The following PCDHA9 variants were observed in gnomAD, a reference collection of about 807,000 sequenced individuals.
PCDHA9 encodes the protein protocadherin alpha-9.
In PCDHA9, 62 loss-of-function variants were observed where a neutral mutation model predicts 62.0. That is an observed-to-expected ratio of 1.00 (90% confidence interval 0.81 to 1.23). PCDHA9 has a LOEUF of 1.23. Ranked by LOEUF, PCDHA9 falls within the 50% of genes most tolerant of loss-of-function variation. The pLI, the probability that PCDHA9 is intolerant of heterozygous loss-of-function variation, is 0.00. For synonymous variants in PCDHA9, 557 were observed against 567.6 expected, an observed-to-expected ratio of 0.98 and a Z score of 0.27; for missense variants, 1,205 against 1,249.8, an observed-to-expected ratio of 0.96 and a Z score of 0.54.
intron 1 of PCDHA9, chr5:140,928,625 A>T: frequency 6.2e-7 from 1 of 1,614,224 alleles, no homozygotes; most frequent in African/African-American, 1.3e-5. Flanking sequence ...AGGACTGGAC[A>T]CTTGGTCACA....
intron 1 of PCDHA9, among the ~76,000 whole-genome samples, chr5:140,949,796 C>G (rs1471707326): frequency 6.6e-6 from 1 of 151,864 alleles, no homozygotes; most frequent in Non-Finnish European, 1.5e-5. Context: ...TTGTGTCCTT[C>G]AATACATTAT....
intron 3 of PCDHA9, among the ~76,000 whole-genome samples, chr5:141,004,282 G>T (rs1444607316): frequency 3.3e-5 from 5 of 152,190 alleles, no homozygotes; most frequent in African/African-American, 1.2e-4. Context: ...ACATGCTGCT[G>T]AGCTCTCAGA....
chr5:140,928,158 AC>A, intron 1 of PCDHA9: 7 of 1,614,066 alleles, frequency 4.3e-6, no homozygotes, highest in Non-Finnish European at 5.9e-6. Flanking sequence ...ATAGTGGCTC[AC>A]CCCCACTTAG....
chr5:140,876,087 G>A, intron 1 of PCDHA9: 4 of 1,613,922 alleles, frequency 2.5e-6, no homozygotes, highest in Non-Finnish European at 2.5e-6. Context: ...GAGAGCAAAC[G>A]CCAAAACTCA....
intron 1 of PCDHA9, chr5:140,883,960 G>T (rs2059914384): frequency 3.1e-6 from 5 of 1,613,090 alleles, no homozygotes; most frequent in Non-Finnish European, 4.2e-6. Flanking sequence ...ACGCTCCGGC[G>T]CTGCTGACGC....
intron 1 of PCDHA9, among the ~76,000 whole-genome samples, chr5:140,931,879 T>A (rs1335268218): frequency 3.3e-5 from 5 of 151,966 alleles, no homozygotes; most frequent in Non-Finnish European, 7.4e-5. Flanking sequence ...TATTTATTGC[T>A]TTCATTTTAT....
intron 1 of PCDHA9, among the ~76,000 whole-genome samples, chr5:140,977,051 G>T (rs2096743579): frequency 6.6e-6 from 1 of 152,178 alleles, no homozygotes; most frequent in South Asian, 2.1e-4. Flanking sequence ...GTTGCTGATG[G>T]ACTAGTATAG....
chr5:140,849,883 T>C lies in PCDHA9; in HGVS notation c.1388T>C (p.Phe463Ser), dbSNP rs2150456208. The C allele has an allele frequency of 4.4e-6, 7 of 1,598,290 alleles. No homozygotes were observed. Among genetic ancestry groups the C allele is most frequent in the Non-Finnish European group, 6.0e-6 (7 of 1,167,932 alleles). ...TTCGCGCAGTCCGAGTACACGGTGTTCGTGAAGGAGAACAACCCGCCGGGC... is the reference window on the plus strand; with the variant it reads ...TTCGCGCAGTCCGAGTACACGGTGTCCGTGAAGGAGAACAACCCGCCGGGC... ...PAFAQSEYTV[F>S]VKENNPPGCH... Residue 463 changes from phenylalanine (F) to serine (S), a missense_variant, in exon 1 of 4, where the codon TTC (phenylalanine) becomes TCC (serine). Physicochemically the swap from Phe to Ser is radical, Grantham distance 155 (BLOSUM62 -2). Transcript: ENST00000532602.
At chr5:140,964,183 C>A (rs1422782402) in intron 1 of PCDHA9, among the ~76,000 whole-genome samples, 2 of 152,164 alleles carry the variant, frequency 1.3e-5, no homozygotes, top group Non-Finnish European at 2.9e-5. Context: ...CATTATAGTG[C>A]CAAATAGAGT....
intron 1 of PCDHA9, among the ~76,000 whole-genome samples, chr5:140,893,013 CCTGACTTATTTCA>C (rs2063781212): frequency 6.6e-6 from 1 of 152,170 alleles, no homozygotes; most frequent in African/African-American, 2.4e-5. Context: ...TTTTTCTGTG[CCTGACTTATTTCA>C]CTTAACATAT....
chr5:140,935,080 C>G (rs1163743447), intron 1 of PCDHA9, among the ~76,000 whole-genome samples: 2 of 152,076 alleles, frequency 1.3e-5, no homozygotes, highest in Non-Finnish European at 2.9e-5. Context: ...TGTACATTTC[C>G]TTTCCCAGAA....
At chr5:141,006,584 G>C (rs1554260824) in intron 3 of PCDHA9, among the ~76,000 whole-genome samples, 2 of 152,126 alleles carry the variant, frequency 1.3e-5, no homozygotes, top group Admixed American at 6.6e-5. Flanking sequence ...GAGGGTTGGA[G>C]AGAAGCAAAA....
At chr5:140,993,218 T>C (rs534348907) in intron 3 of PCDHA9, among the ~76,000 whole-genome samples, 1 of 152,330 alleles carries the variant, frequency 6.6e-6, no homozygotes, top group East Asian at 1.9e-4. Flanking sequence ...TTTAGCTTTT[T>C]GGTATGTTCT....
At chr5:140,926,018 G>C (rs1489789521) in intron 1 of PCDHA9, among the ~76,000 whole-genome samples, 1 of 152,122 alleles carries the variant, frequency 6.6e-6, no homozygotes, top group Non-Finnish European at 1.5e-5. Context: ...CCAGAGTCCG[G>C]AGGCAGTTTG....
intron 1 of PCDHA9, chr5:140,928,199 C>T: frequency 6.2e-7 from 1 of 1,614,226 alleles, no homozygotes; most frequent in South Asian, 1.1e-5. Context: ...GTGTCAGTTG[C>T]TGATGTGAAT....
In PCDHA9 at chr5:141,011,530, T is replaced by C. The variant is rs1427621980; in HGVS notation, c.*1593T>C. 7 of 153,810 alleles carry C rather than the reference T, an allele frequency of 4.6e-5. No individual in the cohort carries two copies. The highest frequency in any genetic ancestry group is 1.7e-4 in the African/African-American group (7 of 41,470). The allele number at this position is 153,810 out of a possible 1,614,324, so 9.5% of individuals were successfully genotyped here. Reference sequence around the variant, plus strand: ...TGGAGTAGTGTTTTTTTAACCATTGTTAATCAGCTTTTGTGTATGAAAGAC... The same window carrying C: ...TGGAGTAGTGTTTTTTTAACCATTGCTAATCAGCTTTTGTGTATGAAAGAC... On this transcript the variant is annotated 3_prime_UTR_variant, in exon 4 of 4. Transcript: ENST00000532602.
intron 1 of PCDHA9, among the ~76,000 whole-genome samples, chr5:140,976,583 G>A (rs1360171256): frequency 8.6e-5 from 13 of 151,966 alleles, no homozygotes; most frequent in African/African-American, 3.1e-4. Flanking sequence ...ATAAAACACA[G>A]ACTTTTGTGT....
intron 1 of PCDHA9, among the ~76,000 whole-genome samples, chr5:140,902,390 A>G (rs1051277099): frequency 2.6e-5 from 4 of 151,960 alleles, no homozygotes; most frequent in Admixed American, 1.3e-4. Flanking sequence ...TAAGAGTACT[A>G]TGTTGAATAC....
chr5:140,855,917 G>A, intron 1 of PCDHA9: 1 of 1,202,824 alleles, frequency 8.3e-7, no homozygotes, highest in South Asian at 1.6e-5. Flanking sequence ...TCAAGGACTA[G>A]GAAGTAGCGT....
Sources: allele counts gnomAD v4.1 joint callset (sites outside exome capture counted in the v4.1 genomes callset), GRCh38; gene constraint gnomAD v4.1.1; transcripts MANE v1.5; gene names NCBI Gene and HGNC (gene_info 2026-07-23, HGNC 2026-07-21).